SHISA6: variants seen among roughly 807,000 people sequenced by gnomAD.
SHISA6 encodes the protein shisa family member 6.
Under a neutral mutation model 47.9 loss-of-function variants are expected in SHISA6, and 22 were observed. The observed-to-expected ratio is 0.46, with a 90% CI of 0.33 to 0.66. SHISA6 has a LOEUF of 0.66. Ranked by LOEUF, SHISA6 falls within the 30% of genes least tolerant of loss-of-function variation. SHISA6 has a pLI of 0.02. For synonymous variants in SHISA6, 388 were observed against 337.8 expected, an observed-to-expected ratio of 1.15 and a Z score of -1.63; for missense variants, 680 against 764.6, an observed-to-expected ratio of 0.89 and a Z score of 1.30.
intron 3 of SHISA6, among the ~76,000 whole-genome samples, chr17:11,417,497 A>G (rs139968695): frequency 2.4e-4 from 36 of 152,316 alleles, no homozygotes; most frequent in Middle Eastern, 3.4e-3. Context: ...GGTTCTGACA[A>G]TCACAGTGGA....
intron 2 of SHISA6, among the ~76,000 whole-genome samples, chr17:11,333,536 A>ATGGAGTCTCACTCTGTCGCCCAGGC (rs1911207618): frequency 6.6e-6 from 1 of 151,696 alleles, no homozygotes; most frequent in Non-Finnish European, 1.5e-5. Context: ...TTATTTTGAG[A>ATGGAGTCTCACTCTGTCGCCCAGGC]TGGAGTCTCA....
At chr17:11,263,248 G>T in intron 1 of SHISA6, 118 bp from the exon 2 acceptor site, 1 of 1,079,486 alleles carries the variant, frequency 9.3e-7, no homozygotes. Flanking sequence ...GCTGAATGCT[G>T]TCTCTGTCTC....
chr17:11,553,662 A>G (rs939208627), intron 4 of SHISA6, among the ~76,000 whole-genome samples: 3 of 152,178 alleles, frequency 2.0e-5, no homozygotes, highest in African/African-American at 7.2e-5. Flanking sequence ...AGTGTTCCAC[A>G]AAGAGCATTA....
At chr17:11,413,746 G>A (rs897922192) in intron 3 of SHISA6, among the ~76,000 whole-genome samples, 2 of 152,170 alleles carry the variant, frequency 1.3e-5, no homozygotes, top group African/African-American at 4.8e-5. Context: ...GCAGAGCCAT[G>A]TTCCGCTTCT....
intron 3 of SHISA6, among the ~76,000 whole-genome samples, chr17:11,496,551 A>G (rs1001887540): frequency 2.6e-5 from 4 of 152,100 alleles, no homozygotes; most frequent in African/African-American, 9.7e-5. Context: ...CAGCCTGGCC[A>G]ACATGGTGAA....
chr17:11,278,494 A>T (rs1909006307), intron 2 of SHISA6, among the ~76,000 whole-genome samples: 1 of 152,210 alleles, frequency 6.6e-6, no homozygotes, highest in Non-Finnish European at 1.5e-5. Flanking sequence ...ATTATTCAGA[A>T]GTTTTACAAG....
At chr17:11,271,945 G>A (rs541077239) in intron 2 of SHISA6, among the ~76,000 whole-genome samples, 10 of 151,932 alleles carry the variant, frequency 6.6e-5, no homozygotes, top group African/African-American at 2.4e-4. Flanking sequence ...TCACCCTCAC[G>A]TAGGATGAGC....
chr17:11,319,907 C>T (rs1284230391), intron 2 of SHISA6, among the ~76,000 whole-genome samples: 3 of 152,094 alleles, frequency 2.0e-5, no homozygotes, highest in African/African-American at 4.8e-5. Flanking sequence ...ATTATGACAG[C>T]GGATTGCCTA....
intron 2 of SHISA6, among the ~76,000 whole-genome samples, chr17:11,377,824 C>T (rs1482172466): frequency 6.6e-6 from 1 of 152,176 alleles, no homozygotes; most frequent in Non-Finnish European, 1.5e-5. Context: ...TAAAAATATA[C>T]CTGCCTAAGC....
chr17:11,409,230 A>G (rs1597498713), intron 3 of SHISA6, among the ~76,000 whole-genome samples: 1 of 152,236 alleles, frequency 6.6e-6, no homozygotes, highest in East Asian at 1.9e-4. Context: ...TAAGTCAGAC[A>G]GTAACTAACT....
At chr17:11,353,132 T>G (rs1444656741) in intron 2 of SHISA6, among the ~76,000 whole-genome samples, 3 of 152,042 alleles carry the variant, frequency 2.0e-5, no homozygotes, top group African/African-American at 7.2e-5. Context: ...TCATGCAGAA[T>G]GTTACAGCTG....
At position 11,243,390 on chromosome 17, in the gene SHISA6, C is replaced by T. The variant is rs117435130; in HGVS notation, c.638+1330C>T. On this transcript the variant is annotated intron_variant, in intron 1 of 5. Coordinates refer to ENST00000441885, the MANE Select transcript of SHISA6 (RefSeq NM_207386.4). ...GAGTCAAATCCACAAAGGGTGGGTA[C>T]CTCAAACTCGCGTGCTGGAATTGGA... Among the ~76,000 whole-genome samples, 1,078 of 151,634 alleles carry T rather than the reference C, an allele frequency of 7.1e-3. 10 individuals carry two copies. Among genetic ancestry groups the T allele is most frequent in the Non-Finnish European group, 8.6e-3 (583 of 67,924 alleles).
chr17:11,475,721 A>T (rs1347170663), intron 3 of SHISA6, among the ~76,000 whole-genome samples: 1 of 151,926 alleles, frequency 6.6e-6, no homozygotes, highest in African/African-American at 2.4e-5. Flanking sequence ...CTATCTTCAT[A>T]AGAGATATTG....
intron 3 of SHISA6, among the ~76,000 whole-genome samples, chr17:11,426,219 T>A (rs1238958480): frequency 6.6e-6 from 1 of 152,162 alleles, no homozygotes; most frequent in Non-Finnish European, 1.5e-5. Context: ...GAAAGGGAAA[T>A]CCTAAAAGTG....
At chr17:11,300,387 C>A (rs1280313852) in intron 2 of SHISA6, among the ~76,000 whole-genome samples, 1 of 152,210 alleles carries the variant, frequency 6.6e-6, no homozygotes, top group Non-Finnish European at 1.5e-5. Context: ...GTCCATGGAG[C>A]ACTGGCAACT....
intron 2 of SHISA6, among the ~76,000 whole-genome samples, chr17:11,354,110 A>G (rs558174795): frequency 3.2e-4 from 48 of 152,118 alleles, no homozygotes; most frequent in Non-Finnish European, 5.9e-4. Flanking sequence ...GTTGTGACAA[A>G]TGAAAATGTC....
At chr17:11,493,797 G>A (rs2071385921) in intron 3 of SHISA6, among the ~76,000 whole-genome samples, 1 of 152,140 alleles carries the variant, frequency 6.6e-6, no homozygotes, top group African/African-American at 2.4e-5. Context: ...TGGAAACCCT[G>A]GCATTTTGAC....
intron 2 of SHISA6, among the ~76,000 whole-genome samples, chr17:11,340,047 CT>C: frequency 6.6e-6 from 1 of 152,344 alleles, no homozygotes; most frequent in South Asian, 2.1e-4. Flanking sequence ...AGCAATGAAA[CT>C]GGCTACCTGT....
intron 3 of SHISA6, among the ~76,000 whole-genome samples, chr17:11,465,498 G>A (rs1915787725): frequency 6.6e-6 from 1 of 152,102 alleles, no homozygotes; most frequent in South Asian, 2.1e-4. Flanking sequence ...GACCCTCTGG[G>A]CTCAAGAGAT....
Sources: allele counts gnomAD v4.1 joint callset (sites outside exome capture counted in the v4.1 genomes callset), GRCh38; gene constraint gnomAD v4.1.1; transcripts MANE v1.5; gene names NCBI Gene and HGNC (gene_info 2026-07-23, HGNC 2026-07-21).